CPLANE1: variants seen among roughly 807,000 people sequenced by gnomAD.
CPLANE1 encodes ciliogenesis and planar polarity effector complex subunit 1.
Under a neutral mutation model 362.5 loss-of-function variants are expected in CPLANE1, and 263 were observed. That is an observed-to-expected ratio of 0.73 (90% CI 0.66 to 0.80). The LOEUF is 0.80. CPLANE1 is among the 30% of genes least tolerant of loss of function. The pLI is 0.00. For synonymous variants in CPLANE1, 1,212 were observed against 1,302.6 expected (o/e 0.93, Z 1.50); for missense variants, 3,461 against 3,793.4 (o/e 0.91, Z 2.30).
At chr5:37,131,870 G>T (rs570518412) in intron 46 of CPLANE1, among the ~76,000 whole-genome samples, 2 of 152,174 alleles carry the variant, frequency 1.3e-5, no homozygotes, top group South Asian at 4.2e-4. Flanking sequence ...CATTGCCCAG[G>T]CTGGTCTCAA....
At position 37,130,047 on chromosome 5, in the gene CPLANE1, A is replaced by T. The variant is rs560796263; in HGVS notation, c.8793-4638T>A. 3.9e-5 allele frequency among the ~76,000 whole-genome samples: 6 copies of T among 152,326 alleles called. No homozygotes were observed. In the East Asian group the frequency reaches 1.2e-3, roughly 29 times the overall value. On this transcript the variant is annotated intron_variant, in intron 46 of 52. Coordinates refer to ENST00000651892, the MANE Select transcript of CPLANE1 (RefSeq NM_001384732.1). ...AGAAATTGTGGTACACATATACACCATGTCATACTATTCAGCCATAAAAAG... is the reference window on the plus strand; with the variant it reads ...AGAAATTGTGGTACACATATACACCTTGTCATACTATTCAGCCATAAAAAG...
intron 19 of CPLANE1, among the ~76,000 whole-genome samples, chr5:37,199,384 G>A (rs1788514700): frequency 6.6e-6 from 1 of 152,110 alleles, no homozygotes; most frequent in Non-Finnish European, 1.5e-5. Context: ...TTCCTCTGCT[G>A]GGAAGAATCC....
At chr5:37,086,748 A>G in the CPLANE1 span, among the ~76,000 whole-genome samples, 1 of 152,188 alleles carries the variant, frequency 6.6e-6, no homozygotes, top group South Asian at 2.1e-4. Flanking sequence ...GCCGGGGCTG[A>G]CAGCACTCTT....
Position 37,221,309 on chromosome 5 carries a change from A to G in CPLANE1, c.2746+15T>C, listed in dbSNP as rs1332367186. On this transcript the variant is annotated intron_variant, in intron 15 of 52. Coordinates refer to ENST00000651892, the MANE Select transcript of CPLANE1 (RefSeq NM_001384732.1). ...CTCTTTTTAAAAATACAAAGAAAGA[A>G]AAAAAAAAGCATACCTGAAAAATCT... 4 of 1,473,570 alleles carry G rather than the reference A, an allele frequency of 2.7e-6. No homozygotes were observed. In the Admixed American group the frequency reaches 1.1e-4, roughly 42 times the overall value. 91.3% of individuals were successfully genotyped at this position (1,473,570 alleles called of 1,614,324 possible). A position where few individuals can be genotyped will look rare whatever the true frequency, so the allele number is the denominator to read the frequency against.
chr5:37,185,104 T>C, intron 24 of CPLANE1, 25 bp from the exon 25 acceptor site: 1 of 1,564,566 alleles, frequency 6.4e-7, no homozygotes, highest in Non-Finnish European at 8.6e-7. Flanking sequence ...ATAAAAAGTC[T>C]TAGTGTTCAT....
At chr5:37,128,042 A>AAAAC (rs1040102668) in intron 46 of CPLANE1, among the ~76,000 whole-genome samples, 2 of 152,244 alleles carry the variant, frequency 1.3e-5, no homozygotes, top group African/African-American at 2.4e-5. Context: ...CCTGTCTCAA[A>AAAAC]AAACAAACAA....
intron 46 of CPLANE1, among the ~76,000 whole-genome samples, chr5:37,129,150 G>C (rs1340272017): frequency 6.6e-6 from 1 of 152,122 alleles, no homozygotes; most frequent in Non-Finnish European, 1.5e-5. Context: ...AAAACATAAA[G>C]GGGGAAGGAC....
At position 37,125,395 on chromosome 5, in the gene CPLANE1, G is replaced by C; in HGVS notation, c.8807C>G (p.Ser2936Cys). ...GTCAGTTCTTTGTGAATGTCTGCCA[G>C]AATAATGCTGAATTCTGAGAAATTT... Reference protein sequence around the residue: ...AMGTSRIQHYSGRHSQRTDKE... With the variant: ...AMGTSRIQHYCGRHSQRTDKE... The change falls in exon 47 of 53, where the codon TCT (serine) becomes TGT (cysteine). Residue 2936 changes from serine to cysteine, a missense_variant. By Grantham distance (112) the Ser-to-Cys change is moderately radical. Transcript: ENST00000651892. 3 of 1,612,166 alleles carry C rather than the reference G, an allele frequency of 1.9e-6. No individual in the cohort carries two copies. The highest frequency in any genetic ancestry group is 2.5e-6 in the Non-Finnish European group (3 of 1,179,700).
chr5:37,089,876 C>G, the CPLANE1 span, among the ~76,000 whole-genome samples: 2 of 152,118 alleles, frequency 1.3e-5, no homozygotes, highest in African/African-American at 4.8e-5. Context: ...GTAAATCAAG[C>G]CTTGCTCCCT....
At chr5:37,109,806 G>A (rs1437772193) in intron 51 of CPLANE1, among the ~76,000 whole-genome samples, 6 of 152,070 alleles carry the variant, frequency 3.9e-5, no homozygotes, top group East Asian at 1.9e-4. Context: ...ACAGGCATGC[G>A]CCACCATGCC....
chr5:37,156,306 G>A (rs908026615), intron 41 of CPLANE1, among the ~76,000 whole-genome samples: 1 of 152,164 alleles, frequency 6.6e-6, no homozygotes, highest in Admixed American at 6.5e-5. Context: ...TCAGGTTGTG[G>A]AGGGATATTC....
Position 37,154,459 on chromosome 5 carries a change from C to CTT in CPLANE1, c.8120-468_8120-467dup, listed in dbSNP as rs35522666. Among the ~76,000 whole-genome samples the CTT allele has an allele frequency of 5.6e-4, 47 of 84,566 alleles. 2 individuals carry two copies. Among genetic ancestry groups the CTT allele is most frequent in the African/African-American group, 1.3e-3 (23 of 17,642 alleles). The allele number at this position is 84,566 out of a possible 152,430, so 55.5% of individuals were successfully genotyped here. On this transcript the variant is annotated intron_variant, in intron 41 of 52. Transcript: ENST00000651892. ...TTCTTCTCCCAAATTTGCAATAGTT[C>CTT]TTTTTTTTTTTTTTTTTTTTTTTTA...
Position 37,230,865 on chromosome 5 carries a change from A to G in CPLANE1, c.1121+2T>C. The G allele has an allele frequency of 6.6e-7, 1 of 1,504,208 alleles. No homozygotes were observed. The highest frequency in any genetic ancestry group is 8.9e-7 in the Non-Finnish European group (1 of 1,123,696). The allele number at this position is 1,504,208 out of a possible 1,614,324, so 93.2% of individuals were successfully genotyped here. On this transcript the variant is annotated splice_donor_variant, in intron 9 of 52. Transcript: ENST00000651892. LOFTEE classifies it high-confidence loss of function. The stretch of plus-strand genomic sequence containing the variant: ...CAAATTAACACAATTCAAATGTCTC[A>G]CCTATACGTTATTAGTGGATGAAGA...
At chr5:37,205,495 GA>G (rs889144392) in intron 17 of CPLANE1, 41 bp from the exon 18 acceptor site, 34 of 1,357,678 alleles carry the variant, frequency 2.5e-5, no homozygotes, top group Non-Finnish European at 3.0e-5. Flanking sequence ...TCCAAATTTT[GA>G]AAAAAAAGGA....
chr5:37,172,230 A>C (rs937462363), intron 32 of CPLANE1, among the ~76,000 whole-genome samples: 3 of 152,208 alleles, frequency 2.0e-5, no homozygotes, highest in African/African-American at 4.8e-5. Flanking sequence ...TAATATTATT[A>C]AAATAATACC....
At chr5:37,190,709 C>G (rs1785293577) in intron 21 of CPLANE1, among the ~76,000 whole-genome samples, 2 of 152,128 alleles carry the variant, frequency 1.3e-5, no homozygotes, top group Admixed American at 1.3e-4. Context: ...AGGTCAATGA[C>G]AGACTGCATA....
rs35522666 is a variant in CPLANE1, at chr5:37,154,459, C to CTTTTTTTTTTTTTTTTTTT, written c.8120-485_8120-467dup. Among the ~76,000 whole-genome samples, 108 of 84,570 alleles carry CTTTTTTTTTTTTTTTTTTT rather than the reference C, an allele frequency of 1.3e-3. 15 individuals carry two copies. Among genetic ancestry groups the CTTTTTTTTTTTTTTTTTTT allele is most frequent in the African/African-American group, 5.0e-3 (89 of 17,642 alleles). The allele number at this position is 84,570 out of a possible 152,430, so 55.5% of individuals were successfully genotyped here. On this transcript the variant is annotated intron_variant, in intron 41 of 52. Transcript: ENST00000651892. ...TTCTTCTCCCAAATTTGCAATAGTT[C>CTTTTTTTTTTTTTTTTTTT]TTTTTTTTTTTTTTTTTTTTTTTTA... is the stretch of plus-strand genomic sequence containing the variant.
Position 37,122,461 on chromosome 5 carries a change from G to A in CPLANE1, c.8986C>T (p.Leu2996=). The stretch of plus-strand genomic sequence containing the variant: ...TTTTCATGCTTCATCTTTTGTCTCA[G>A]CCTTATTTCCCTTGAAGTCATGTAA... The part of the protein sequence containing the change: ...PLYMTSREIR[L]RQKMKHEKDR... Residue 2996 remains leucine (L), a synonymous_variant, in exon 48 of 53, where the codon CTG becomes TTG. Transcript: ENST00000651892. 6.2e-7 allele frequency: 1 copy of A among 1,612,814 alleles called. No individual in the cohort carries two copies. Among genetic ancestry groups the A allele is most frequent in the Non-Finnish European group, 8.5e-7 (1 of 1,179,638 alleles).
At chr5:37,210,292 T>C in intron 16 of CPLANE1, 2 of 1,562,734 alleles carry the variant, frequency 1.3e-6, no homozygotes, top group East Asian at 2.2e-5. Context: ...GTTGAAGCTT[T>C]TGAACTGAAC....
Sources: allele counts gnomAD v4.1 joint callset (sites outside exome capture counted in the v4.1 genomes callset), GRCh38; gene constraint gnomAD v4.1.1; transcripts MANE v1.5; gene names NCBI Gene and HGNC (gene_info 2026-07-23, HGNC 2026-07-21).